The following FMNL2 variants were observed in gnomAD, a reference collection of about 807,000 sequenced individuals.
The protein encoded by FMNL2 is formin like 2.
Under a neutral mutation model 130.2 loss-of-function variants are expected in FMNL2, and 51 were observed. The ratio of observed to expected loss-of-function variants is 0.39; its 90% CI spans 0.31 to 0.49. The LOEUF is 0.49. Ranked by LOEUF, FMNL2 falls within the 20% of genes least tolerant of loss-of-function variation. The probability of loss-of-function intolerance (pLI) is 0.85; values close to 1 mark genes in which losing one functional copy is unlikely to be tolerated. For synonymous variants in FMNL2, 465 were observed against 467.1 expected (o/e 1.00, Z 0.06); for missense variants, 977 against 1,316.2 (o/e 0.74, Z 3.99).
intron 1 of FMNL2, among the ~76,000 whole-genome samples, chr2:152,386,964 CCCTTGCCCTTCACCATTCCT>C (rs923476883): frequency 5.3e-5 from 8 of 152,040 alleles, no homozygotes; most frequent in African/African-American, 1.7e-4. Context: ...TCCCAGATTC[CCCTTGCCCTTCACCATTCCT>C]CCAAGACGCT....
At chr2:152,567,370 G>A (rs1695908977) in intron 6 of FMNL2, among the ~76,000 whole-genome samples, 1 of 152,104 alleles carries the variant, frequency 6.6e-6, no homozygotes, top group South Asian at 2.1e-4. Context: ...TCCTCTAATG[G>A]GACGTATAGA....
intron 1 of FMNL2, among the ~76,000 whole-genome samples, chr2:152,433,790 T>A (rs965918268): frequency 1.3e-5 from 2 of 152,202 alleles, no homozygotes; most frequent in African/African-American, 4.8e-5. Context: ...TTCTTATTAC[T>A]GATTTCTTCT....
At chr2:152,402,578 A>C (rs377562270) in intron 1 of FMNL2, among the ~76,000 whole-genome samples, 1 of 152,210 alleles carries the variant, frequency 6.6e-6, no homozygotes, top group Admixed American at 6.5e-5. Flanking sequence ...AGGAAGGTGC[A>C]AGGACAGATA....
intron 17 of FMNL2, 60 bp downstream of exon 17, chr2:152,626,787 T>C (rs1278913584): frequency 2.0e-6 from 3 of 1,483,400 alleles, no homozygotes; most frequent in Non-Finnish European, 2.7e-6. Context: ...GAGAAAGTTA[T>C]GAATTAGTAG....
Position 152,406,593 on chromosome 2 carries a change from A to C in FMNL2, c.117+70873A>C, listed in dbSNP as rs1404441227. Among the ~76,000 whole-genome samples the C allele has an allele frequency of 3.3e-5, 5 of 152,212 alleles. No individual in the cohort carries two copies. The East Asian group carries it at 9.6e-4, about 29-fold the overall frequency. On this transcript the variant is annotated intron_variant, in intron 1 of 25. Coordinates refer to ENST00000288670, the MANE Select transcript of FMNL2 (RefSeq NM_052905.4). The stretch of plus-strand genomic sequence containing the variant: ...AGATTTGAATTGTTATGATGGTAGC[A>C]TAATTTTTGACAAATGATGTTTGTG...
intron 1 of FMNL2, among the ~76,000 whole-genome samples, chr2:152,369,518 C>A (rs1683752872): frequency 6.6e-6 from 1 of 152,110 alleles, no homozygotes; most frequent in South Asian, 2.1e-4. Flanking sequence ...TGCCTGAATC[C>A]CTGCTAATCC....
chr2:152,502,648 C>G (rs945083794), intron 1 of FMNL2, among the ~76,000 whole-genome samples: 1 of 152,310 alleles, frequency 6.6e-6, no homozygotes, highest in East Asian at 1.9e-4. Context: ...GGTCGTGCCA[C>G]TGCACTCCAG....
At chr2:152,404,622 A>C (rs7561292) in intron 1 of FMNL2, among the ~76,000 whole-genome samples, 1,805 of 152,246 alleles carry the variant, frequency 0.012, 38 homozygotes, top group African/African-American at 0.041. Flanking sequence ...ATTTTTCTGC[A>C]GAGTTCTCCA....
intron 1 of FMNL2, among the ~76,000 whole-genome samples, chr2:152,384,892 A>G (rs1012018458): frequency 1.3e-5 from 2 of 152,234 alleles, no homozygotes; most frequent in African/African-American, 2.4e-5. Flanking sequence ...TGTTTCTTCA[A>G]TGACACTTTG....
Position 152,640,027 on chromosome 2 carries a change from G to C in FMNL2, c.3016G>C (p.Glu1006Gln), listed in dbSNP as rs772586887. 4 of 1,555,614 alleles carry C rather than the reference G, an allele frequency of 2.6e-6. No homozygotes were observed. The African/African-American group carries it at 4.1e-5, about 16-fold the overall frequency. Residue 1006 changes from glutamate (E) to glutamine (Q), a missense_variant, in exon 24 of 26, where the codon GAA becomes CAA. Around this residue, in one of 4 missense-constraint regions of FMNL2, gnomAD observed 168 missense variants for 168.8 expected, o/e 1.00. Coordinates refer to ENST00000288670, the MANE Select transcript of FMNL2 (RefSeq NM_052905.4). ...TCTCATGGAAAAACTCCTAGAGCAA[G>C]AAGCTCTGATGGAGCAGCAGGATCC... ...QALMEKLLEQ[E>Q]ALMEQQDPKS...
chr2:152,550,774 C>T (rs1019661955), intron 4 of FMNL2, among the ~76,000 whole-genome samples: 16 of 152,248 alleles, frequency 1.1e-4, no homozygotes, highest in African/African-American at 3.6e-4. Flanking sequence ...TGGTCCAAAC[C>T]TTTGCCTTTG....
At chr2:152,418,606 A>G (rs1686743347) in intron 1 of FMNL2, among the ~76,000 whole-genome samples, 1 of 152,196 alleles carries the variant, frequency 6.6e-6, no homozygotes, top group Non-Finnish European at 1.5e-5. Context: ...GGTAAGGTTC[A>G]TTCTTGTTGT....
At chr2:152,367,783 T>G (rs982257501) in intron 1 of FMNL2, among the ~76,000 whole-genome samples, 1 of 152,224 alleles carries the variant, frequency 6.6e-6, no homozygotes, top group Non-Finnish European at 1.5e-5. Flanking sequence ...TGAGAAGGGC[T>G]TATAGGATTT....
intron 1 of FMNL2, among the ~76,000 whole-genome samples, chr2:152,412,974 C>A (rs1313795062): frequency 6.6e-6 from 1 of 152,060 alleles, no homozygotes; most frequent in East Asian, 1.9e-4. Flanking sequence ...ACCATTAACC[C>A]CAGGAGGGTT....
chr2:152,468,997 T>C (rs1689708670), intron 1 of FMNL2, among the ~76,000 whole-genome samples: 2 of 152,232 alleles, frequency 1.3e-5, no homozygotes, highest in African/African-American at 2.4e-5. Flanking sequence ...GCCCTTTCTG[T>C]AAATTACCTC....
chr2:152,363,429 C>T, intron 1 of FMNL2, among the ~76,000 whole-genome samples: 1 of 152,154 alleles, frequency 6.6e-6, no homozygotes, highest in South Asian at 2.1e-4. Context: ...CCTTTGGGGA[C>T]TTTTACTAAG....
intron 1 of FMNL2, chr2:152,390,657 A>G: frequency 1.2e-6 from 1 of 808,866 alleles, no homozygotes; most frequent in South Asian, 1.3e-5. Context: ...TCCTCCCTGA[A>G]CTCTTGGGGC....
chr2:152,484,019 C>T (rs1367853864), intron 1 of FMNL2, among the ~76,000 whole-genome samples: 1 of 152,084 alleles, frequency 6.6e-6, no homozygotes, highest in Non-Finnish European at 1.5e-5. Flanking sequence ...TGAGATGGGA[C>T]CAGCTAATGG....
At chr2:152,516,529 A>T (rs1461047397) in intron 1 of FMNL2, among the ~76,000 whole-genome samples, 1 of 152,176 alleles carries the variant, frequency 6.6e-6, no homozygotes, top group Non-Finnish European at 1.5e-5. Context: ...TGGTGACTGA[A>T]TGCTTGTGAG....
Sources: allele counts gnomAD v4.1 joint callset (sites outside exome capture counted in the v4.1 genomes callset), GRCh38; gene constraint gnomAD v4.1.1; regional missense constraint gnomAD v4.1.1; transcripts MANE v1.5; gene names NCBI Gene and HGNC (gene_info 2026-07-23, HGNC 2026-07-21).